Variants in NAALADL2 observed in about 807,000 individuals in gnomAD.
NAALADL2 encodes inactive N-acetylated-alpha-linked acidic dipeptidase-like protein 2.
In NAALADL2, 76 loss-of-function variants were observed where a neutral mutation model predicts 87.2. The observed-to-expected ratio is 0.87, with a 90% CI of 0.72 to 1.05. NAALADL2 has a LOEUF of 1.05. Ranked by LOEUF, NAALADL2 falls within the 50% of genes least tolerant of loss-of-function variation. The pLI is 0.00. For synonymous variants in NAALADL2, 354 were observed against 331.0 expected (o/e 1.07, Z -0.75); for missense variants, 1,089 against 945.8 (o/e 1.15, Z -1.99).
intron 2 of NAALADL2, among the ~76,000 whole-genome samples, chr3:174,733,845 G>T (rs1732935070): frequency 6.6e-6 from 1 of 152,178 alleles, no homozygotes; most frequent in Non-Finnish European, 1.5e-5. Context: ...GGAGGGTTAA[G>T]AGCAATCATG....
intron 9 of NAALADL2, among the ~76,000 whole-genome samples, chr3:175,537,010 T>C (rs1424549154): frequency 6.6e-6 from 1 of 152,194 alleles, no homozygotes; most frequent in Non-Finnish European, 1.5e-5. Flanking sequence ...TAAGAATGTA[T>C]TATATTTATT....
At chr3:175,202,408 C>G (rs1740179312) in intron 2 of NAALADL2, among the ~76,000 whole-genome samples, 2 of 152,138 alleles carry the variant, frequency 1.3e-5, no homozygotes, top group African/African-American at 4.8e-5. Flanking sequence ...TATGCTCTGG[C>G]TGTTTAATGC....
intron 5 of NAALADL2, among the ~76,000 whole-genome samples, chr3:175,349,257 C>T (rs1460615804): frequency 1.4e-5 from 2 of 147,004 alleles, no homozygotes; most frequent in Non-Finnish European, 3.0e-5. Context: ...GTTCCAGAGA[C>T]TGAGGAAAGC....
intron 4 of NAALADL2, among the ~76,000 whole-genome samples, chr3:175,278,301 A>G (rs2110064911): frequency 6.6e-6 from 1 of 152,286 alleles, no homozygotes; most frequent in South Asian, 2.1e-4. Flanking sequence ...CTCAAAAATT[A>G]TATGTTAAAT....
At chr3:175,084,697 G>A (rs114955779) in intron 1 of NAALADL2, among the ~76,000 whole-genome samples, 171 of 152,132 alleles carry the variant, frequency 1.1e-3, no homozygotes, top group African/African-American at 4.0e-3. Context: ...TCAAAGTTAC[G>A]CATTTAGTCA....
chr3:175,109,332 A>G (rs2108484070), intron 2 of NAALADL2, among the ~76,000 whole-genome samples: 1 of 151,994 alleles, frequency 6.6e-6, no homozygotes, highest in East Asian at 1.9e-4. Flanking sequence ...ATGCAAGTGT[A>G]TTTATTCATG....
intron 1 of NAALADL2, among the ~76,000 whole-genome samples, chr3:174,470,295 T>G (rs1316613903): frequency 6.6e-6 from 1 of 152,218 alleles, no homozygotes; most frequent in Non-Finnish European, 1.5e-5. Context: ...TTTCTATATC[T>G]TCTTTTGAGA....
intron 3 of NAALADL2, among the ~76,000 whole-genome samples, chr3:174,783,276 T>C (rs1344840639): frequency 6.6e-6 from 1 of 152,184 alleles, no homozygotes; most frequent in Non-Finnish European, 1.5e-5. Context: ...TAGTAGAGTT[T>C]ATTAAATGAC....
intron 13 of NAALADL2, among the ~76,000 whole-genome samples, chr3:175,796,754 T>C (rs1211944908): frequency 6.6e-6 from 1 of 152,204 alleles, no homozygotes; most frequent in Non-Finnish European, 1.5e-5. Flanking sequence ...TGTGATTTCA[T>C]TTAGGAGTTT....
chr3:175,092,759 G>A (rs1720379036), intron 1 of NAALADL2, among the ~76,000 whole-genome samples: 1 of 151,686 alleles, frequency 6.6e-6, no homozygotes, highest in South Asian at 2.1e-4. Context: ...TATAATAGAG[G>A]GTTAAGTGTA....
chr3:175,140,845 G>A (rs1026407527), intron 2 of NAALADL2, among the ~76,000 whole-genome samples: 18 of 152,110 alleles, frequency 1.2e-4, no homozygotes, highest in African/African-American at 4.1e-4. Flanking sequence ...GTATATAGGT[G>A]TGGTGACACA....
intron 5 of NAALADL2, among the ~76,000 whole-genome samples, chr3:175,337,328 A>C (rs765630045): frequency 1.1e-4 from 16 of 152,158 alleles, no homozygotes; most frequent in Non-Finnish European, 2.2e-4. Context: ...ATATTCAGTC[A>C]AGAGGTGTTC....
intron 3 of NAALADL2, among the ~76,000 whole-genome samples, chr3:174,835,851 A>G (rs529573674): frequency 6.6e-6 from 1 of 152,320 alleles, no homozygotes; most frequent in South Asian, 2.1e-4. Context: ...ATAGCAAATA[A>G]CAAGTATTGG....
chr3:175,484,897 G>C (rs753018116), intron 9 of NAALADL2, among the ~76,000 whole-genome samples: 1 of 152,116 alleles, frequency 6.6e-6, no homozygotes, highest in Non-Finnish European at 1.5e-5. Context: ...GTTCTTATCA[G>C]TGTGCTCTTT....
At position 174,622,622 on chromosome 3, in the gene NAALADL2, A is replaced by T. The variant is rs369220231; in HGVS notation, c.-115+71985A>T. ...TTAATGCCTATTTTCTATATGTATG[A>T]TATACTGTATTATTATAACAAACTA... is the stretch of plus-strand genomic sequence containing the variant. On this transcript the variant is annotated intron_variant, in intron 2 of 3. Transcript: ENST00000434257. 2.6e-5 allele frequency among the ~76,000 whole-genome samples: 4 copies of T among 152,210 alleles called. No individual in the cohort carries two copies. In the East Asian group the frequency reaches 5.8e-4, roughly 22 times the overall value.
At chr3:175,076,286 G>A (rs1477617085) in intron 1 of NAALADL2, among the ~76,000 whole-genome samples, 1 of 149,390 alleles carries the variant, frequency 6.7e-6, no homozygotes, top group African/African-American at 2.5e-5. Flanking sequence ...TGAAAGACAT[G>A]TTGGGTCTTG....
intron 11 of NAALADL2, among the ~76,000 whole-genome samples, chr3:175,737,041 A>T (rs1484599901): frequency 6.6e-6 from 1 of 152,170 alleles, no homozygotes; most frequent in Non-Finnish European, 1.5e-5. Flanking sequence ...TAGGGAAGGC[A>T]TTTCTTAATA....
chr3:175,063,471 G>C lies in NAALADL2; in HGVS notation c.44-33319G>C, dbSNP rs77082643. 2.6e-5 allele frequency among the ~76,000 whole-genome samples: 4 copies of C among 151,644 alleles called. No homozygotes were observed. The East Asian group carries it at 7.9e-4, about 30-fold the overall frequency. On this transcript the variant is annotated intron_variant, in intron 1 of 13. Coordinates refer to ENST00000454872, the MANE Select transcript of NAALADL2 (RefSeq NM_207015.3). ...AGAGTAAAATATATATAAACAGCCT[G>C]TTTATATATATTTTACTGCTTTTGA...
intron 1 of NAALADL2, among the ~76,000 whole-genome samples, chr3:174,467,072 C>A (rs1378845795): frequency 6.6e-6 from 1 of 151,976 alleles, no homozygotes; most frequent in Non-Finnish European, 1.5e-5. Flanking sequence ...TCAGATTGAA[C>A]ATTGTGGAAC....
Sources: allele counts gnomAD v4.1 joint callset (sites outside exome capture counted in the v4.1 genomes callset), GRCh38; gene constraint gnomAD v4.1.1; transcripts MANE v1.5; gene names NCBI Gene and HGNC (gene_info 2026-07-23, HGNC 2026-07-21).